The following RELN variants were observed in gnomAD, a reference collection of about 807,000 sequenced individuals.
RELN encodes reelin.
Under a neutral mutation model 427.6 loss-of-function variants are expected in RELN, and 108 were observed. The ratio of observed to expected loss-of-function variants is 0.25; its 90% CI spans 0.22 to 0.30. RELN has a LOEUF of 0.30. Among genes scored for constraint, RELN ranks in the 10% least tolerant of loss-of-function variants. The pLI, the probability that RELN is intolerant of heterozygous loss-of-function variation, is 1.00. For missense variants in RELN, 3,715 were observed against 4,302.8 expected, an observed-to-expected ratio of 0.86 and a Z score of 3.82; for synonymous variants, 1,524 against 1,513.4, an observed-to-expected ratio of 1.01 and a Z score of -0.16.
At chr7:103,940,859 A>G (rs979566317) in intron 1 of RELN, among the ~76,000 whole-genome samples, 5 of 152,204 alleles carry the variant, frequency 3.3e-5, no homozygotes, top group African/African-American at 1.2e-4. Flanking sequence ...ATGAGATATC[A>G]GCTGTGAGTA....
chr7:103,514,574 G>C (rs1223158383), intron 50 of RELN, among the ~76,000 whole-genome samples: 1 of 152,154 alleles, frequency 6.6e-6, no homozygotes, highest in Non-Finnish European at 1.5e-5. Context: ...CAGGAGAATT[G>C]CTTGCACCTG....
chr7:103,771,469 A>G (rs1381794869), intron 4 of RELN, among the ~76,000 whole-genome samples: 1 of 152,102 alleles, frequency 6.6e-6, no homozygotes, highest in Non-Finnish European at 1.5e-5. Flanking sequence ...CGCAGCATCA[A>G]TAGGCTGATG....
intron 34 of RELN, among the ~76,000 whole-genome samples, chr7:103,564,125 G>C (rs1018124886): frequency 6.6e-6 from 1 of 152,220 alleles, no homozygotes; most frequent in African/African-American, 2.4e-5. Flanking sequence ...ATAAGTGTTT[G>C]TTGAATTTTT....
intron 64 of RELN, among the ~76,000 whole-genome samples, chr7:103,474,177 A>C (rs971266100): frequency 6.6e-6 from 1 of 152,188 alleles, no homozygotes; most frequent in Non-Finnish European, 1.5e-5. Flanking sequence ...TCACAGTTTC[A>C]TCATTAGAAA....
intron 1 of RELN, among the ~76,000 whole-genome samples, chr7:103,959,600 CCT>C (rs200164299): frequency 2.7e-5 from 4 of 149,378 alleles, no homozygotes; most frequent in South Asian, 2.2e-4. Flanking sequence ...CAACCTGACT[CCT>C]CTCTCTCTCT....
intron 10 of RELN, among the ~76,000 whole-genome samples, chr7:103,692,263 G>T (rs2299367): frequency 0.16 from 24,143 of 152,102 alleles, 2,223 homozygotes; most frequent in East Asian, 0.3. Context: ...AATGCTAAGA[G>T]AGGAAGCATG....
chr7:103,620,182 G>T lies in RELN; in HGVS notation c.2703-8379C>A, dbSNP rs778857174. Among the ~76,000 whole-genome samples the T allele has an allele frequency of 2.8e-4, 43 of 152,140 alleles. No individual in the cohort carries two copies. The highest frequency in any genetic ancestry group is 5.6e-4 in the Non-Finnish European group (38 of 68,018). On this transcript the variant is annotated intron_variant, in intron 20 of 64. Coordinates refer to ENST00000428762, the MANE Select transcript of RELN (RefSeq NM_005045.4). This position sits in a 1 kb window ranked among gnomAD's most constrained non-coding sequence, Gnocchi z 4.1. ...GAACTGATGATTTTATAAGGCTTTTGCTTGACTCTCATTTTGTCTCATCTG... is the reference window on the plus strand; with the variant it reads ...GAACTGATGATTTTATAAGGCTTTTTCTTGACTCTCATTTTGTCTCATCTG...
chr7:103,616,142 T>G (rs2117301341), intron 20 of RELN, among the ~76,000 whole-genome samples: 1 of 152,296 alleles, frequency 6.6e-6, no homozygotes, highest in Admixed American at 6.5e-5. Context: ...TAAGAGAAGC[T>G]AATGCATCCA....
chr7:103,832,959 A>T lies in RELN; in HGVS notation c.473+578T>A, dbSNP rs75355817. ...GAACATTCATTTTCCAATTGCTCTG[A>T]TTTATTCAATTATTTTTGTCTTTTA... is the stretch of plus-strand genomic sequence containing the variant. On this transcript the variant is annotated intron_variant, in intron 3 of 64. Transcript: ENST00000428762. Among the ~76,000 whole-genome samples, 568 of 152,248 alleles carry T rather than the reference A, an allele frequency of 3.7e-3. 19 individuals carry two copies. In the East Asian group the frequency reaches 0.062, roughly 17 times the overall value.
chr7:103,698,233 C>A, intron 9 of RELN, 140 bp from the exon 10 acceptor site: 3 of 1,051,192 alleles, frequency 2.9e-6, no homozygotes, highest in Non-Finnish European at 1.4e-6. Context: ...AATCTCATAG[C>A]CCTTAAATCT....
At chr7:103,720,656 G>A (rs1790053161) in intron 8 of RELN, among the ~76,000 whole-genome samples, 1 of 152,008 alleles carries the variant, frequency 6.6e-6, no homozygotes, top group Non-Finnish European at 1.5e-5. Flanking sequence ...TTTTTGAACT[G>A]AGTATAAATA....
At chr7:103,761,273 A>G (rs1791291739) in intron 4 of RELN, among the ~76,000 whole-genome samples, 1 of 152,212 alleles carries the variant, frequency 6.6e-6, no homozygotes, top group African/African-American at 2.4e-5. Context: ...GGAGCTATAA[A>G]TAATGGGGCC....
rs778154915 is a variant in RELN at position 103,917,147 on chromosome 7, C to G, written c.265G>C (p.Val89Leu). ...CTTGTAGATGTGTATAGTCCTGTCA[C>G]CAGCAAGCCGTCAAAAAAGGTGCTT... Reference protein sequence around the residue: ...STSTFFDGLLVTGLYTSTSVQ... With the variant: ...STSTFFDGLLLTGLYTSTSVQ... Residue 89 changes from valine (V) to leucine (L), a missense_variant, in exon 2 of 65, where the codon GTG (valine) becomes CTG (leucine). Around this residue, in one of 4 missense-constraint regions of RELN, gnomAD observed 2,208 missense variants for 2,361.7 expected, o/e 0.93. Coordinates refer to ENST00000428762, the MANE Select transcript of RELN (RefSeq NM_005045.4). 6.2e-7 allele frequency: 1 copy of G among 1,613,546 alleles called. No individual in the cohort carries two copies. Among genetic ancestry groups the G allele is most frequent in the East Asian group, 2.2e-5 (1 of 44,854 alleles).
chr7:103,797,861 C>T (rs1036980159), intron 3 of RELN, among the ~76,000 whole-genome samples: 1 of 152,190 alleles, frequency 6.6e-6, no homozygotes, highest in Non-Finnish European at 1.5e-5. Flanking sequence ...TCAATTTTGC[C>T]TGGGGCTGGC....
At chr7:103,845,092 G>A (rs1793641364) in intron 2 of RELN, among the ~76,000 whole-genome samples, 1 of 152,042 alleles carries the variant, frequency 6.6e-6, no homozygotes, top group African/African-American at 2.4e-5. Context: ...TAAATAACCT[G>A]TGATTGCTGC....
intron 64 of RELN, among the ~76,000 whole-genome samples, chr7:103,477,911 G>C (rs1330642199): frequency 1.3e-5 from 2 of 152,224 alleles, no homozygotes; most frequent in Non-Finnish European, 2.9e-5. Context: ...TATTAACTTA[G>C]AGGAGAATTG....
intron 6 of RELN, among the ~76,000 whole-genome samples, chr7:103,730,412 G>A (rs2115947660): frequency 6.6e-6 from 1 of 152,000 alleles, no homozygotes; most frequent in Admixed American, 6.6e-5. Flanking sequence ...CCTGGAATTA[G>A]AGAACCAGTA....
At chr7:103,599,492 A>C (rs1351386513) in intron 24 of RELN, among the ~76,000 whole-genome samples, 1 of 152,198 alleles carries the variant, frequency 6.6e-6, no homozygotes. Flanking sequence ...AGTGCATGAC[A>C]TGCATTTCTG....
intron 1 of RELN, among the ~76,000 whole-genome samples, chr7:103,976,237 C>T (rs1796876897): frequency 6.6e-6 from 1 of 152,108 alleles, no homozygotes; most frequent in African/African-American, 2.4e-5. Flanking sequence ...TGGTAAAATG[C>T]TAAACTGGAC....
Sources: gnomAD v4.1 joint callset for allele counts (sites outside exome capture counted in the v4.1 genomes callset) on GRCh38, gnomAD v4.1.1 for gene constraint, gnomAD v4.1.1 regional missense constraint, Gnocchi (gnomAD v3.1) non-coding constraint, MANE v1.5 for transcripts, NCBI Gene and HGNC (gene_info 2026-07-23, HGNC 2026-07-21) for gene names.